The following ADAMTSL3 variants were observed in gnomAD, a reference collection of about 807,000 sequenced individuals.
The protein encoded by ADAMTSL3 is ADAMTS-like protein 3.
A neutral mutation model predicts 201.7 loss-of-function variants in ADAMTSL3; 128 were observed. The observed-to-expected ratio is 0.63, with a 90% CI of 0.55 to 0.73. ADAMTSL3 has a LOEUF of 0.73. Among genes scored for constraint, ADAMTSL3 ranks in the 30% least tolerant of loss-of-function variants. ADAMTSL3 has a pLI of 0.00. For missense variants in ADAMTSL3, 1,990 were observed against 2,119.6 expected (o/e 0.94, Z 1.20); for synonymous variants, 738 against 748.4 (o/e 0.99, Z 0.23).
intron 17 of ADAMTSL3, among the ~76,000 whole-genome samples, 198 bp from the exon 18 acceptor site, chr15:83,942,398 T>C (rs879391356): frequency 3.3e-5 from 5 of 152,236 alleles, no homozygotes; most frequent in Admixed American, 2.6e-4. Flanking sequence ...TTAAACACTT[T>C]CCTGACATTT....
At chr15:83,730,576 C>A (rs186361647) in intron 3 of ADAMTSL3, among the ~76,000 whole-genome samples, 1 of 151,782 alleles carries the variant, frequency 6.6e-6, no homozygotes, top group African/African-American at 2.4e-5. Context: ...CAAAACCAGC[C>A]TCAAGAACCC....
rs1045771767 is a variant in ADAMTSL3 at position 83,808,479 on chromosome 15, C to A, written c.363+3784C>A. On this transcript the variant is annotated intron_variant, in intron 5 of 29. Transcript: ENST00000286744. ...ATTATTATCACAAAGACAAAAGACA[C>A]AAGTGTTCCTGAGGATGTGGAGAAA... 5.3e-5 allele frequency among the ~76,000 whole-genome samples: 8 copies of A among 152,086 alleles called. 1 individual carries two copies. The highest frequency in any genetic ancestry group is 3.9e-4 in the Admixed American group (6 of 15,262).
Position 83,899,684 on chromosome 15 carries a change from A to G in ADAMTSL3, c.1653A>G (p.Lys551=). Residue 551 remains lysine, a synonymous_variant, in exon 15 of 30, where the codon AAA becomes AAG. Coordinates refer to ENST00000286744, the MANE Select transcript of ADAMTSL3 (RefSeq NM_207517.3). ...TGGAAGCAAAATTGCCTTGGCTGAAACAAGCACAAGAACTAGAAGAGACCA... is the reference window on the plus strand; with the variant it reads ...TGGAAGCAAAATTGCCTTGGCTGAAGCAAGCACAAGAACTAGAAGAGACCA... ...SPVEAKLPWL[K]QAQELEETRI... 1.2e-6 allele frequency: 2 copies of G among 1,612,456 alleles called. No homozygotes were observed. The highest frequency in any genetic ancestry group is 1.7e-6 in the Non-Finnish European group (2 of 1,178,914).
intron 6 of ADAMTSL3, among the ~76,000 whole-genome samples, chr15:83,822,006 C>T (rs1271334002): frequency 7.0e-6 from 1 of 142,134 alleles, no homozygotes; most frequent in Non-Finnish European, 1.5e-5. Context: ...TTGCTGACCT[C>T]CCCCACCTCC....
At chr15:83,661,423 G>A (rs2061162084) in intron 2 of ADAMTSL3, among the ~76,000 whole-genome samples, 2 of 151,960 alleles carry the variant, frequency 1.3e-5, no homozygotes, top group South Asian at 4.2e-4. Flanking sequence ...AGCATGGAAT[G>A]TTCTTCCATT....
At chr15:84,013,820 C>T (rs549147180) in intron 23 of ADAMTSL3, among the ~76,000 whole-genome samples, 1 of 152,260 alleles carries the variant, frequency 6.6e-6, no homozygotes, top group East Asian at 1.9e-4. Context: ...TTCTCTATTC[C>T]TCTGAATCTT....
At chr15:83,886,778 A>G (rs943138107) in intron 10 of ADAMTSL3, among the ~76,000 whole-genome samples, 8 of 152,192 alleles carry the variant, frequency 5.3e-5, no homozygotes, top group East Asian at 1.9e-4. Flanking sequence ...CAGTCAGTGA[A>G]TATGCTGTGA....
At chr15:83,802,483 G>T (rs531625146) in intron 4 of ADAMTSL3, among the ~76,000 whole-genome samples, 44 of 152,248 alleles carry the variant, frequency 2.9e-4, no homozygotes, top group Non-Finnish European at 4.1e-4. Flanking sequence ...TAAACAAACA[G>T]TTGTACATAT....
intron 25 of ADAMTSL3, 24 bp from the exon 26 acceptor site, chr15:84,021,386 T>C (rs943979891): frequency 5.6e-6 from 9 of 1,612,850 alleles, no homozygotes; most frequent in Non-Finnish European, 5.9e-6. Context: ...GGGGCTGGCA[T>C]GATATTTTGT....
At chr15:83,964,948 A>T (rs991726716) in intron 19 of ADAMTSL3, among the ~76,000 whole-genome samples, 1 of 152,136 alleles carries the variant, frequency 6.6e-6, no homozygotes, top group African/African-American at 2.4e-5. Flanking sequence ...GGAGAAATAA[A>T]ATCCTTTACA....
intron 20 of ADAMTSL3, among the ~76,000 whole-genome samples, chr15:83,971,245 GA>G (rs1249378114): frequency 6.6e-6 from 1 of 152,116 alleles, no homozygotes; most frequent in Non-Finnish European, 1.5e-5. Flanking sequence ...TTTTACACAT[GA>G]ATATGTATGT....
At position 83,982,967 on chromosome 15, in the gene ADAMTSL3, C is replaced by T. The variant is rs771053543; in HGVS notation, c.3339C>T (p.Ser1113=). The stretch of plus-strand genomic sequence containing the variant: ...AGCTCATGGAAACCGGAGAGGTCAG[C>T]GATGATCTTGCGTCCCAGCTGATAT... ...MSQLMETGEV[S]DDLASQLIYQ... Residue 1113 remains serine (S), a synonymous_variant, in exon 21 of 30, where the codon AGC becomes AGT. Coordinates refer to ENST00000286744, the MANE Select transcript of ADAMTSL3 (RefSeq NM_207517.3). The T allele has an allele frequency of 5.6e-5, 91 of 1,613,966 alleles. No individual in the cohort carries two copies. The highest frequency in any genetic ancestry group is 6.8e-5 in the Non-Finnish European group (80 of 1,180,030).
At chr15:83,743,507 G>A (rs1368394741) in intron 3 of ADAMTSL3, among the ~76,000 whole-genome samples, 5 of 129,690 alleles carry the variant, frequency 3.9e-5, no homozygotes, top group South Asian at 2.4e-4. Context: ...GAGACAGAGC[G>A]AGACTCCGTC....
At chr15:83,918,131 A>G (rs2066072871) in intron 16 of ADAMTSL3, among the ~76,000 whole-genome samples, 1 of 152,220 alleles carries the variant, frequency 6.6e-6, no homozygotes, top group Non-Finnish European at 1.5e-5. Flanking sequence ...TCCAATAGTT[A>G]TTTAAGTTTC....
chr15:83,999,228 T>G (rs2067744820), intron 23 of ADAMTSL3, among the ~76,000 whole-genome samples: 1 of 152,270 alleles, frequency 6.6e-6, no homozygotes, highest in African/African-American at 2.4e-5. Flanking sequence ...TGTATCATTG[T>G]GTGAATGTAG....
At chr15:83,933,395 G>C (rs2066396975) in intron 17 of ADAMTSL3, among the ~76,000 whole-genome samples, 1 of 152,154 alleles carries the variant, frequency 6.6e-6, no homozygotes, top group South Asian at 2.1e-4. Flanking sequence ...AAATTTCTAA[G>C]AAGCAAAGCA....
chr15:84,034,839 G>T (rs1164318497), intron 28 of ADAMTSL3, among the ~76,000 whole-genome samples: 25 of 152,036 alleles, frequency 1.6e-4, no homozygotes, highest in Admixed American at 1.6e-3. Flanking sequence ...GTGAGAAATT[G>T]AAAAAAGCTA....
intron 19 of ADAMTSL3, chr15:83,962,656 C>T (rs1475666921): frequency 6.6e-6 from 1 of 151,974 alleles, no homozygotes; most frequent in East Asian, 1.9e-4. Flanking sequence ...AAAAACTTTC[C>T]TTTTTATACA....
intron 2 of ADAMTSL3, chr15:83,694,260 G>C (rs1436486738): frequency 6.6e-6 from 1 of 152,148 alleles, no homozygotes; most frequent in Non-Finnish European, 1.5e-5. Flanking sequence ...CATGCCCCTC[G>C]GATAACAAAT....
Sources: allele counts gnomAD v4.1 joint callset (sites outside exome capture counted in the v4.1 genomes callset), GRCh38; gene constraint gnomAD v4.1.1; transcripts MANE v1.5; gene names NCBI Gene and HGNC (gene_info 2026-07-23, HGNC 2026-07-21).